Variants in SNAPC3 observed in about 807,000 individuals in gnomAD.
SNAPC3 encodes snRNA-activating protein complex subunit 3.
SNAPC3 carries 56 observed loss-of-function variants against 47.7 expected under a neutral mutation model. The observed-to-expected ratio is 1.18, with a 90% CI of 0.95 to 1.47. SNAPC3 has a LOEUF of 1.47. Ranked by LOEUF, SNAPC3 falls within the 40% of genes most tolerant of loss-of-function variation. The pLI is 0.00. For missense variants in SNAPC3, 665 were observed against 511.3 expected, an observed-to-expected ratio of 1.30 and a Z score of -2.90; for synonymous variants, 235 against 189.9, an observed-to-expected ratio of 1.24 and a Z score of -1.95.
intron 3 of SNAPC3, among the ~76,000 whole-genome samples, chr9:15,439,355 A>G (rs1188217935): frequency 6.6e-6 from 1 of 152,052 alleles, no homozygotes; most frequent in Non-Finnish European, 1.5e-5. Flanking sequence ...TCTTTTGCCA[A>G]TATATAATAT....
At chr9:15,444,131 A>G (rs1456400638) in intron 3 of SNAPC3, among the ~76,000 whole-genome samples, 4 of 152,222 alleles carry the variant, frequency 2.6e-5, no homozygotes, top group Non-Finnish European at 5.9e-5. Flanking sequence ...TAAAGATGTC[A>G]TGGTGTTATA....
At chr9:15,436,867 A>C (rs1447426634) in intron 3 of SNAPC3, among the ~76,000 whole-genome samples, 3 of 135,300 alleles carry the variant, frequency 2.2e-5, no homozygotes, top group Non-Finnish European at 3.1e-5. Flanking sequence ...CTTGTTGCCC[A>C]GGCTGGAGTG....
rs550404844 is a variant in SNAPC3 at position 15,437,529 on chromosome 9, G to A, written c.477+3893G>A. ...ATTACAGGCGTGAGCCACCGCACCCGGCCCTGTTCCTATTTTCTTTAGTGT... is the reference window on the plus strand; with the variant it reads ...ATTACAGGCGTGAGCCACCGCACCCAGCCCTGTTCCTATTTTCTTTAGTGT... On this transcript the variant is annotated intron_variant, in intron 3 of 8. Transcript: ENST00000380821. Among the ~76,000 whole-genome samples the A allele has an allele frequency of 1.7e-4, 26 of 152,122 alleles. No individual in the cohort carries two copies. In the East Asian group the frequency reaches 2.5e-3, roughly 15 times the overall value.
At chr9:15,430,147 C>G (rs1440296325) in intron 2 of SNAPC3, among the ~76,000 whole-genome samples, 4 of 152,156 alleles carry the variant, frequency 2.6e-5, no homozygotes, top group Non-Finnish European at 5.9e-5. Flanking sequence ...ATATTACTAA[C>G]AGGTTGCGTG....
Position 15,433,563 on chromosome 9 carries a change from G to T in SNAPC3, c.404G>T (p.Arg135Met). The change falls in exon 3 of 9, where the codon AGG becomes ATG. Residue 135 changes from arginine to methionine, a missense_variant. Physicochemically the swap from Arg to Met is moderately conservative, Grantham distance 91. Transcript: ENST00000380821. ...TACATCTACAACAGGGTTAGAAAAA[G>T]GTTCTTGGAACATCGGGAAGAAACC... is the stretch of plus-strand genomic sequence containing the variant. Reference protein sequence around the residue: ...TDLVTLGVRKRFLEHREETIT... With the variant: ...TDLVTLGVRKMFLEHREETIT... 1 of 1,597,910 alleles carries T rather than the reference G, an allele frequency of 6.3e-7. No homozygotes were observed. The highest frequency in any genetic ancestry group is 8.5e-7 in the Non-Finnish European group (1 of 1,171,150).
chr9:15,444,959 G>A (rs2033807349), intron 4 of SNAPC3, among the ~76,000 whole-genome samples: 1 of 152,152 alleles, frequency 6.6e-6, no homozygotes, highest in Non-Finnish European at 1.5e-5. Flanking sequence ...TAGGCATGGT[G>A]GTGCACATCT....
chr9:15,435,293 C>T (rs1323422423), intron 3 of SNAPC3, among the ~76,000 whole-genome samples: 1 of 152,122 alleles, frequency 6.6e-6, no homozygotes, highest in Admixed American at 6.5e-5. Flanking sequence ...GAGTTCTTGG[C>T]CGGGTGCCAT....
At chr9:15,431,231 G>T (rs1026063870) in intron 2 of SNAPC3, among the ~76,000 whole-genome samples, 1 of 152,096 alleles carries the variant, frequency 6.6e-6, no homozygotes, top group Non-Finnish European at 1.5e-5. Flanking sequence ...TGCCCTTGAG[G>T]GTGGATTTCC....
intron 4 of SNAPC3, 139 bp downstream of exon 4, chr9:15,444,845 A>G: frequency 2.0e-6 from 1 of 505,322 alleles, no homozygotes; most frequent in Non-Finnish European, 3.5e-6. Flanking sequence ...TAATCTCAGC[A>G]CTTTGGGAGG....
Position 15,460,009 on chromosome 9 carries a change from AT to A in SNAPC3, c.*147del, listed in dbSNP as rs1452238460. 4.6e-5 allele frequency: 24 copies of A among 526,980 alleles called. No individual in the cohort carries two copies. The highest frequency in any genetic ancestry group is 7.1e-5 in the Non-Finnish European group (22 of 307,976). The allele number at this position is 526,980 out of a possible 1,614,324, so 32.6% of individuals were successfully genotyped here. On this transcript the variant is annotated 3_prime_UTR_variant, in exon 9 of 9. Coordinates refer to ENST00000380821, the MANE Select transcript of SNAPC3 (RefSeq NM_001039697.2). The stretch of plus-strand genomic sequence containing the variant: ...TATCAAAAAAAAGTCCAAATGACAG[AT>A]TTTCTTATAATGATAGTATTTAAAT...
At chr9:15,427,810 A>G (rs10117823) in intron 2 of SNAPC3, among the ~76,000 whole-genome samples, 1 of 152,126 alleles carries the variant, frequency 6.6e-6, no homozygotes, top group Non-Finnish European at 1.5e-5. Context: ...CAAAAGAACC[A>G]TGAAATTGGA....
intron 3 of SNAPC3, among the ~76,000 whole-genome samples, chr9:15,442,065 G>GC (rs1387363841): frequency 1.3e-5 from 2 of 150,980 alleles, no homozygotes; most frequent in African/African-American, 4.9e-5. Context: ...GGCAGGGGCT[G>GC]CCCCCCAACC....
At chr9:15,463,587 A>T (rs1280418406), downstream of SNAPC3, 1 of 152,108 alleles carries the variant, frequency 6.6e-6, no homozygotes, top group Non-Finnish European at 1.5e-5. Flanking sequence ...TTGACCACAC[A>T]CACAAATTGA....
chr9:15,433,265 G>A (rs2032388970), intron 2 of SNAPC3, among the ~76,000 whole-genome samples: 1 of 147,226 alleles, frequency 6.8e-6, no homozygotes, highest in Non-Finnish European at 1.5e-5. Context: ...ATAGGAATCT[G>A]GAACAGAAAA....
In SNAPC3 at chr9:15,459,921, G is replaced by C; in HGVS notation, c.*55G>C. On this transcript the variant is annotated 3_prime_UTR_variant, in exon 9 of 9. Coordinates refer to ENST00000380821, the MANE Select transcript of SNAPC3 (RefSeq NM_001039697.2). ...CATGAAATAACTGTTCTCTTGGATG[G>C]TTACCTTATTTCTAAGAAACGCCAC... The C allele has an allele frequency of 6.6e-7, 1 of 1,508,756 alleles. No homozygotes were observed. The highest frequency in any genetic ancestry group is 9.1e-7 in the Non-Finnish European group (1 of 1,104,798). The allele number at this position is 1,508,756 out of a possible 1,614,324, so 93.5% of individuals were successfully genotyped here. A position where few individuals can be genotyped will look rare whatever the true frequency, so the allele number is the denominator to read the frequency against.
At chr9:15,429,785 G>A (rs929806548) in intron 2 of SNAPC3, among the ~76,000 whole-genome samples, 6 of 152,202 alleles carry the variant, frequency 3.9e-5, no homozygotes, top group East Asian at 1.9e-4. Context: ...TTAGTCTTAA[G>A]CAACCTATTA....
chr9:15,443,469 A>G (rs368708145), intron 3 of SNAPC3, among the ~76,000 whole-genome samples: 3 of 151,990 alleles, frequency 2.0e-5, no homozygotes, highest in Admixed American at 6.6e-5. Context: ...GACTTTTCCA[A>G]ACGATTATTG....
At chr9:15,438,094 G>A (rs2032997562) in intron 3 of SNAPC3, among the ~76,000 whole-genome samples, 2 of 152,184 alleles carry the variant, frequency 1.3e-5, no homozygotes, top group Non-Finnish European at 2.9e-5. Context: ...ATTTACCAGT[G>A]AAGTCATCTG....
chr9:15,441,127 A>G (rs1319606370), intron 3 of SNAPC3, among the ~76,000 whole-genome samples: 1 of 151,060 alleles, frequency 6.6e-6, no homozygotes, highest in East Asian at 1.9e-4. Flanking sequence ...GTTGATACAT[A>G]ATGATTGTAC....
Sources: allele counts gnomAD v4.1 joint callset (sites outside exome capture counted in the v4.1 genomes callset), GRCh38; gene constraint gnomAD v4.1.1; transcripts MANE v1.5; gene names NCBI Gene and HGNC (gene_info 2026-07-23, HGNC 2026-07-21).